NCOA2: variants seen among roughly 807,000 people sequenced by gnomAD.
NCOA2 encodes the protein class E basic helix-loop-helix protein 75.
Under a neutral mutation model 145.1 loss-of-function variants are expected in NCOA2, and 21 were observed. That is an observed-to-expected ratio of 0.14 (90% CI 0.10 to 0.21). The LOEUF (loss-of-function observed/expected upper bound fraction) is 0.21. NCOA2 is among the 10% of genes least tolerant of loss of function. The pLI is 1.00. For missense variants in NCOA2, 1,472 were observed against 1,837.6 expected, an observed-to-expected ratio of 0.80 and a Z score of 3.64; for synonymous variants, 619 against 637.5, an observed-to-expected ratio of 0.97 and a Z score of 0.44.
At chr8:70,281,529 A>C (rs1318751746) in intron 2 of NCOA2, among the ~76,000 whole-genome samples, 4 of 152,140 alleles carry the variant, frequency 2.6e-5, no homozygotes, top group African/African-American at 9.7e-5. Flanking sequence ...AGGTGAATTA[A>C]GTACAAGTGG....
At chr8:70,402,538 AG>A (rs1447581555) in intron 1 of NCOA2, 1 of 151,874 alleles carries the variant, frequency 6.6e-6, no homozygotes. Context: ...GACTCCCCCG[AG>A]GGGAGGAGGC....
At chr8:70,423,747 A>T in the NCOA2 span, among the ~76,000 whole-genome samples, 1 of 152,162 alleles carries the variant, frequency 6.6e-6, no homozygotes, top group Non-Finnish European at 1.5e-5. Context: ...GACTCAAAGG[A>T]ACGAGTAACT....
intron 22 of NCOA2, among the ~76,000 whole-genome samples, chr8:70,119,229 GTC>G (rs1036097915): frequency 2.6e-5 from 4 of 152,044 alleles, no homozygotes; most frequent in Non-Finnish European, 4.4e-5. Flanking sequence ...ACCCTTCTCA[GTC>G]TCTGTTATCT....
intron 9 of NCOA2, among the ~76,000 whole-genome samples, chr8:70,160,431 A>G (rs554761387): frequency 6.6e-6 from 1 of 152,338 alleles, no homozygotes; most frequent in East Asian, 1.9e-4. Flanking sequence ...ATTGAGATTT[A>G]TCTTTTAAAG....
In NCOA2 at chr8:70,363,146, C is replaced by T. The variant is rs576205870; in HGVS notation, c.-77+40554G>A. On this transcript the variant is annotated intron_variant, in intron 1 of 22. Coordinates refer to ENST00000452400, the MANE Select transcript of NCOA2 (RefSeq NM_006540.4). ...CACCTGTAATCCCAGCACTTTGGGA[C>T]GCCAAGGTGGGTGGATCACGAGGTC... Among the ~76,000 whole-genome samples, 19 of 148,836 alleles carry T rather than the reference C, an allele frequency of 1.3e-4. No individual in the cohort carries two copies. The South Asian group carries it at 2.3e-3, about 18-fold the overall frequency.
chr8:70,252,066 AT>A (rs1479627850), intron 2 of NCOA2, among the ~76,000 whole-genome samples: 25 of 152,342 alleles, frequency 1.6e-4, no homozygotes, highest in South Asian at 1.0e-3. Context: ...AATAATTGTT[AT>A]ATTGTGTTTT....
chr8:70,151,314 G>A lies in NCOA2; in HGVS notation c.2395-2831C>T, dbSNP rs1811725303. Among the ~76,000 whole-genome samples the A allele has an allele frequency of 2.6e-5, 4 of 151,446 alleles. No individual in the cohort carries two copies. In the South Asian group the frequency reaches 8.3e-4, roughly 31 times the overall value. Reference sequence around the variant, plus strand: ...TTCCTTTTTTTTTTTTGGAGACAAGGTCTCACTCTGTCACCCAGGCTGGAG... The same window carrying A: ...TTCCTTTTTTTTTTTTGGAGACAAGATCTCACTCTGTCACCCAGGCTGGAG... On this transcript the variant is annotated intron_variant, in intron 11 of 22. Coordinates refer to ENST00000452400, the MANE Select transcript of NCOA2 (RefSeq NM_006540.4).
chr8:70,114,811 A>G (rs747288879), intron 22 of NCOA2, among the ~76,000 whole-genome samples: 4 of 152,220 alleles, frequency 2.6e-5, no homozygotes, highest in Non-Finnish European at 5.9e-5. Context: ...AGCCAGCTCC[A>G]AATAATCTAT....
intron 1 of NCOA2, among the ~76,000 whole-genome samples, chr8:70,383,636 G>C (rs1302517371): frequency 1.3e-5 from 2 of 152,068 alleles, no homozygotes; most frequent in African/African-American, 4.8e-5. Flanking sequence ...CTCCCGAGTA[G>C]CTGGGATTAC....
intron 1 of NCOA2, among the ~76,000 whole-genome samples, chr8:70,342,529 C>T (rs1389219200): frequency 6.6e-6 from 1 of 151,918 alleles, no homozygotes; most frequent in East Asian, 1.9e-4. Context: ...GCATTAAATA[C>T]TTCAGCTTCC....
At chr8:70,133,200 C>CTTTTTTTTTTT (rs57813061) in intron 15 of NCOA2, among the ~76,000 whole-genome samples, 8 of 106,970 alleles carry the variant, frequency 7.5e-5, no homozygotes, top group African/African-American at 2.8e-4. Context: ...CTGGCTGCTA[C>CTTTTTTTTTTT]TTTTTTTTTT....
At chr8:70,386,234 C>T (rs796407993) in intron 1 of NCOA2, among the ~76,000 whole-genome samples, 3 of 152,288 alleles carry the variant, frequency 2.0e-5, no homozygotes, top group African/African-American at 7.2e-5. Context: ...TTTTATAAAT[C>T]TCAGTGAATG....
At chr8:70,290,350 G>T (rs1000121900) in intron 2 of NCOA2, among the ~76,000 whole-genome samples, 1 of 151,738 alleles carries the variant, frequency 6.6e-6, no homozygotes, top group Non-Finnish European at 1.5e-5. Flanking sequence ...CACCACACCC[G>T]GCTAATTTTT....
At position 70,314,867 on chromosome 8, in the gene NCOA2, T is replaced by C. The variant is rs141000429; in HGVS notation, c.-76-18067A>G. ...GTGCTATGTAATCAATGCTTTCTAG[T>C]AGACATTTCATTGAACTTATTCATT... On this transcript the variant is annotated intron_variant, in intron 1 of 22. Transcript: ENST00000452400. 9.7e-3 allele frequency among the ~76,000 whole-genome samples: 1,474 copies of C among 151,252 alleles called. 15 individuals are homozygous for C. The highest frequency in any genetic ancestry group is 0.029 in the South Asian group (131 of 4,550).
intron 15 of NCOA2, among the ~76,000 whole-genome samples, chr8:70,135,395 C>T (rs934499071): frequency 6.6e-6 from 1 of 152,184 alleles, no homozygotes; most frequent in East Asian, 1.9e-4. Flanking sequence ...TGGCCCAGTG[C>T]TTGAACATAA....
At chr8:70,437,144 A>G in the NCOA2 span, among the ~76,000 whole-genome samples, 1 of 152,160 alleles carries the variant, frequency 6.6e-6, no homozygotes, top group African/African-American at 2.4e-5. Context: ...TGATTTCTAC[A>G]TATGCTATTC....
At chr8:70,202,479 G>A (rs1474923359) in intron 4 of NCOA2, among the ~76,000 whole-genome samples, 1 of 152,086 alleles carries the variant, frequency 6.6e-6, no homozygotes, top group Non-Finnish European at 1.5e-5. Context: ...AGAAAATGTG[G>A]TATATAACAC....
intron 1 of NCOA2, among the ~76,000 whole-genome samples, chr8:70,366,820 C>A (rs1209439835): frequency 6.6e-6 from 1 of 151,674 alleles, no homozygotes; most frequent in East Asian, 1.9e-4. Context: ...TGATTTTAGG[C>A]AAAGATGGGA....
intron 2 of NCOA2, among the ~76,000 whole-genome samples, chr8:70,257,579 C>G (rs948334159): frequency 6.6e-6 from 1 of 152,170 alleles, no homozygotes; most frequent in African/African-American, 2.4e-5. Context: ...GAGATGGGGC[C>G]GTCGGGGCCT....
Sources: gnomAD v4.1 joint callset for allele counts (sites outside exome capture counted in the v4.1 genomes callset) on GRCh38, gnomAD v4.1.1 for gene constraint, MANE v1.5 for transcripts, NCBI Gene and HGNC (gene_info 2026-07-23, HGNC 2026-07-21) for gene names.